RSU1: variants seen among roughly 807,000 people sequenced by gnomAD.
The protein encoded by RSU1 is rsu-1.
RSU1 carries 26 observed loss-of-function variants against 31.1 expected under a neutral mutation model. The observed-to-expected ratio is 0.84, with a 90% CI of 0.61 to 1.16. The LOEUF (loss-of-function observed/expected upper bound fraction) is 1.16, where lower values mean the gene tolerates loss of function less well. Ranked by LOEUF, RSU1 falls within the 50% of genes most tolerant of loss-of-function variation. The probability of loss-of-function intolerance (pLI) is 0.00; values close to 1 mark genes in which losing one functional copy is unlikely to be tolerated. For missense variants in RSU1, 320 were observed against 339.1 expected (o/e 0.94, Z 0.44); for synonymous variants, 164 against 136.3 (o/e 1.20, Z -1.41).
At chr10:16,699,298 G>A (rs543554991) in intron 7 of RSU1, among the ~76,000 whole-genome samples, 1 of 152,308 alleles carries the variant, frequency 6.6e-6, no homozygotes, top group East Asian at 1.9e-4. Flanking sequence ...CTCCCAGCAA[G>A]CGATTTGTCT....
chr10:16,635,024 T>C (rs1834322340), intron 8 of RSU1, among the ~76,000 whole-genome samples: 1 of 152,250 alleles, frequency 6.6e-6, no homozygotes, highest in Non-Finnish European at 1.5e-5. Flanking sequence ...ATACCTATTC[T>C]ATGACCCAGC....
chr10:16,662,995 T>C (rs573024976), intron 8 of RSU1, among the ~76,000 whole-genome samples: 1 of 149,552 alleles, frequency 6.7e-6, no homozygotes, highest in African/African-American at 2.5e-5. Context: ...AAAAACCCTC[T>C]AAGTTTGAAA....
chr10:16,600,282 C>A (rs1402805399), intron 8 of RSU1, among the ~76,000 whole-genome samples: 1 of 152,064 alleles, frequency 6.6e-6, no homozygotes, highest in Non-Finnish European at 1.5e-5. Context: ...TGAGCTGCCA[C>A]CCCAGGAACC....
At chr10:16,675,376 G>A (rs990787197) in intron 8 of RSU1, among the ~76,000 whole-genome samples, 2 of 152,124 alleles carry the variant, frequency 1.3e-5, no homozygotes, top group African/African-American at 4.8e-5. Flanking sequence ...GACATCAGGT[G>A]ACCTAAGGCT....
intron 7 of RSU1, among the ~76,000 whole-genome samples, chr10:16,695,548 A>C (rs889095376): frequency 6.6e-6 from 1 of 152,206 alleles, no homozygotes; most frequent in Non-Finnish European, 1.5e-5. Flanking sequence ...AATCTGATCA[A>C]CACCACTTTT....
intron 8 of RSU1, among the ~76,000 whole-genome samples, chr10:16,674,385 A>G (rs1835182416): frequency 1.4e-5 from 2 of 148,078 alleles, no homozygotes; most frequent in Non-Finnish European, 3.0e-5. Context: ...TGTGTCACGG[A>G]TGTGTCACGG....
intron 7 of RSU1, among the ~76,000 whole-genome samples, chr10:16,741,909 T>C (rs2131610976): frequency 1.3e-5 from 2 of 152,278 alleles, no homozygotes; most frequent in Middle Eastern, 6.8e-3. Context: ...TTTCTTTCTT[T>C]CAAAGATTTT....
chr10:16,606,418 C>A (rs1173924317), intron 8 of RSU1, among the ~76,000 whole-genome samples: 1 of 152,080 alleles, frequency 6.6e-6, no homozygotes, highest in Non-Finnish European at 1.5e-5. Flanking sequence ...GTACAACTCA[C>A]CAGGCCCAGC....
intron 8 of RSU1, among the ~76,000 whole-genome samples, chr10:16,691,488 G>A (rs1303227689): frequency 6.6e-6 from 1 of 151,454 alleles, no homozygotes; most frequent in African/African-American, 2.4e-5. Flanking sequence ...GCTGCTACAG[G>A]AGAATGACAG....
At chr10:16,693,098 G>T (rs917564635) in intron 8 of RSU1, among the ~76,000 whole-genome samples, 9 of 152,258 alleles carry the variant, frequency 5.9e-5, no homozygotes, top group Admixed American at 3.9e-4. Flanking sequence ...GAATAGCTAG[G>T]ATTACAGGTG....
intron 8 of RSU1, among the ~76,000 whole-genome samples, chr10:16,684,251 C>T (rs1835395541): frequency 1.3e-5 from 2 of 152,118 alleles, no homozygotes; most frequent in Admixed American, 1.3e-4. Flanking sequence ...TTTTTATTTT[C>T]TTCTTTGTCA....
intron 7 of RSU1, among the ~76,000 whole-genome samples, chr10:16,699,159 C>G (rs61842312): frequency 5.9e-5 from 9 of 152,036 alleles, no homozygotes; most frequent in Non-Finnish European, 2.9e-5. Context: ...GGAAACCGCG[C>G]GAGCGAAACA....
chr10:16,780,109 A>G (rs1057311374), intron 3 of RSU1, among the ~76,000 whole-genome samples: 1 of 152,200 alleles, frequency 6.6e-6, no homozygotes, highest in Non-Finnish European at 1.5e-5. Context: ...CTCTAAATTA[A>G]CCTAATATTA....
intron 3 of RSU1, 141 bp downstream of exon 3, chr10:16,781,893 C>G: frequency 1.5e-6 from 1 of 679,450 alleles, no homozygotes; most frequent in East Asian, 2.6e-5. Context: ...ATATTCTCAT[C>G]TTAGTGTCAC....
At chr10:16,707,582 T>TTC (rs1554767899) in intron 7 of RSU1, among the ~76,000 whole-genome samples, 2 of 151,758 alleles carry the variant, frequency 1.3e-5, no homozygotes, top group African/African-American at 2.4e-5. Flanking sequence ...TTTTTTTTTT[T>TTC]TTGCTGTTAT....
chr10:16,595,810 A>AAAAAAAAAAG (rs1201244921), intron 8 of RSU1, among the ~76,000 whole-genome samples: 52 of 151,902 alleles, frequency 3.4e-4, no homozygotes, highest in African/African-American at 1.2e-3. Flanking sequence ...CTACTAAAAA[A>AAAAAAAAAAG]AAGAAAAAAT....
At chr10:16,606,135 T>C (rs1415154752) in intron 8 of RSU1, among the ~76,000 whole-genome samples, 1 of 152,192 alleles carries the variant, frequency 6.6e-6, no homozygotes, top group African/African-American at 2.4e-5. Flanking sequence ...AGCCAGGCCA[T>C]TGTCCTCTTG....
chr10:16,807,168 G>C (rs867295051), intron 2 of RSU1, among the ~76,000 whole-genome samples: 16 of 152,150 alleles, frequency 1.1e-4, no homozygotes, highest in Admixed American at 7.2e-4. Context: ...ACCGTTCTCC[G>C]GTCTGCACTG....
intron 8 of RSU1, among the ~76,000 whole-genome samples, chr10:16,685,363 C>T (rs931025318): frequency 2.0e-5 from 3 of 152,060 alleles, no homozygotes; most frequent in South Asian, 2.1e-4. Context: ...GAATTCAGGG[C>T]GAGTCCACAG....
Sources: gnomAD v4.1 joint callset for allele counts (sites outside exome capture counted in the v4.1 genomes callset) on GRCh38, gnomAD v4.1.1 for gene constraint, MANE v1.5 for transcripts, NCBI Gene and HGNC (gene_info 2026-07-23, HGNC 2026-07-21) for gene names.